Variants in CHRNA3 observed in about 807,000 individuals in gnomAD.
CHRNA3 encodes the protein cholinergic receptor nicotinic alpha 3 subunit.
Under a neutral mutation model 41.9 loss-of-function variants are expected in CHRNA3, and 34 were observed. The observed-to-expected ratio is 0.81, with a 90% CI of 0.62 to 1.08. The LOEUF (loss-of-function observed/expected upper bound fraction) is 1.08. Ranked by LOEUF, CHRNA3 falls within the 50% of genes least tolerant of loss-of-function variation. The pLI is 0.00. For missense variants in CHRNA3, 542 were observed against 638.3 expected (o/e 0.85, Z 1.63); for synonymous variants, 281 against 265.2 (o/e 1.06, Z -0.58).
At chr15:78,615,718 A>G (rs1274693673) in intron 4 of CHRNA3, among the ~76,000 whole-genome samples, 2 of 149,370 alleles carry the variant, frequency 1.3e-5, no homozygotes, top group African/African-American at 2.5e-5. Flanking sequence ...AGAATAAAAT[A>G]TTTTGAATTC....
intron 4 of CHRNA3, among the ~76,000 whole-genome samples, chr15:78,615,152 C>A (rs1402552241): frequency 6.6e-6 from 1 of 152,162 alleles, no homozygotes; most frequent in Non-Finnish European, 1.5e-5. Context: ...GGGCTGGGAG[C>A]ACGGGGCCCA....
intron 5 of CHRNA3, chr15:78,600,114 C>T (rs182193282): frequency 1.3e-5 from 2 of 152,054 alleles, no homozygotes. Context: ...AAGGACTTCA[C>T]TCTGTTACCC....
At chr15:78,611,528 C>T (rs932770785) in intron 4 of CHRNA3, among the ~76,000 whole-genome samples, 36 of 152,016 alleles carry the variant, frequency 2.4e-4, no homozygotes, top group African/African-American at 5.8e-4. Flanking sequence ...CAACCCTTCA[C>T]GCTAAAAACT....
At chr15:78,599,008 A>G (rs2053155315) in intron 5 of CHRNA3, among the ~76,000 whole-genome samples, 1 of 144,462 alleles carries the variant, frequency 6.9e-6, no homozygotes, top group African/African-American at 2.6e-5. Context: ...CGGTTAATTT[A>G]TTGTATTTTT....
rs773423894 is a variant in CHRNA3, at chr15:78,601,710, G to A, written c.932C>T (p.Thr311Ile). ...IPLIGEYLLF[T>I]MIFVTLSIVI... ...GATGGACAAGGTTACAAAAATCATG[G>A]TGAACAGGAGGTACTCTCCAATCAG... The change falls in exon 5 of 6, where the codon ACC becomes ATC. Residue 311 changes from threonine to isoleucine, a missense_variant. Transcript: ENST00000326828. The A allele has an allele frequency of 3.7e-6, 6 of 1,614,176 alleles. No homozygotes were observed. The highest frequency in any genetic ancestry group is 5.1e-6 in the Non-Finnish European group (6 of 1,180,014).
At chr15:78,603,321 G>A (rs891132940) in intron 4 of CHRNA3, among the ~76,000 whole-genome samples, 2 of 152,160 alleles carry the variant, frequency 1.3e-5, no homozygotes, top group Admixed American at 6.5e-5. Context: ...CCTTAGACAT[G>A]TACGTTTTTC....
chr15:78,618,196 G>A (rs1412944264), intron 3 of CHRNA3, among the ~76,000 whole-genome samples: 2 of 152,120 alleles, frequency 1.3e-5, no homozygotes, highest in Non-Finnish European at 2.9e-5. Context: ...GCAGTGAGCC[G>A]AGATCACGCC....
intron 1 of CHRNA3, 86 bp from the exon 2 acceptor site, chr15:78,619,001 G>T: frequency 2.1e-6 from 3 of 1,448,194 alleles, no homozygotes; most frequent in Non-Finnish European, 1.9e-6. Flanking sequence ...CCCATCTACA[G>T]CATCCCCTCC....
intron 5 of CHRNA3, among the ~76,000 whole-genome samples, chr15:78,597,864 T>G (rs2053137525): frequency 6.6e-6 from 1 of 152,228 alleles, no homozygotes; most frequent in Non-Finnish European, 1.5e-5. Flanking sequence ...GAAATGGCGC[T>G]GGGAGATGAA....
chr15:78,597,437 A>G (rs1217937269), intron 5 of CHRNA3, among the ~76,000 whole-genome samples: 1 of 126,816 alleles, frequency 7.9e-6, no homozygotes, highest in East Asian at 2.0e-4. Flanking sequence ...TCTCAAAAAC[A>G]ACAAAATAAA....
intron 4 of CHRNA3, among the ~76,000 whole-genome samples, chr15:78,608,273 G>A (rs988676847): frequency 1.1e-4 from 17 of 152,200 alleles, no homozygotes; most frequent in African/African-American, 4.1e-4. Context: ...TCCTCAAGTG[G>A]GTCCCTGACC....
chr15:78,613,269 A>T (rs2053408534), intron 4 of CHRNA3, among the ~76,000 whole-genome samples: 2 of 152,238 alleles, frequency 1.3e-5, no homozygotes, highest in Non-Finnish European at 2.9e-5. Flanking sequence ...ACACATGCAC[A>T]CGTATGTTTA....
Position 78,618,757 on chromosome 15 carries a change from C to G in CHRNA3, c.222+19G>C, listed in dbSNP as rs753819033. ...AGCCCCGGTCCCCATGGCCACGGCT[C>G]GTGGCTTCCAGCACTCACCACCTTC... On this transcript the variant is annotated intron_variant, in intron 2 of 5. Coordinates refer to ENST00000326828, the MANE Select transcript of CHRNA3 (RefSeq NM_000743.5). The G allele has an allele frequency of 6.2e-7, 1 of 1,614,070 alleles. No homozygotes were observed. The highest frequency in any genetic ancestry group is 1.7e-5 in the Admixed American group (1 of 60,026).
At chr15:78,613,272 T>TA (rs1474436843) in intron 4 of CHRNA3, among the ~76,000 whole-genome samples, 2 of 152,122 alleles carry the variant, frequency 1.3e-5, no homozygotes, top group Non-Finnish European at 2.9e-5. Context: ...CATGCACACG[T>TA]ATGTTTATTG....
At chr15:78,620,679 C>A in intron 1 of CHRNA3, 34 bp downstream of exon 1, 1 of 1,498,970 alleles carries the variant, frequency 6.7e-7, no homozygotes, top group Non-Finnish European at 8.8e-7. Context: ...CTCGGGCGCC[C>A]GTCCCTCCGG....
At chr15:78,607,101 C>T (rs1366359445) in intron 4 of CHRNA3, among the ~76,000 whole-genome samples, 1 of 151,454 alleles carries the variant, frequency 6.6e-6, no homozygotes, top group Admixed American at 6.6e-5. Flanking sequence ...TGGTGGCACA[C>T]ACCTGTAATC....
At chr15:78,616,761 T>A (rs2053468529) in intron 4 of CHRNA3, among the ~76,000 whole-genome samples, 1 of 152,176 alleles carries the variant, frequency 6.6e-6, no homozygotes, top group Non-Finnish European at 1.5e-5. Flanking sequence ...AAATGCCAAT[T>A]CTTCCTTGAA....
intron 4 of CHRNA3, among the ~76,000 whole-genome samples, chr15:78,604,015 C>T (rs2053245425): frequency 6.6e-6 from 1 of 152,112 alleles, no homozygotes; most frequent in Non-Finnish European, 1.5e-5. Flanking sequence ...CTCAGGAAGG[C>T]AGAGGCCTCC....
chr15:78,617,199 G>A, intron 3 of CHRNA3, 66 bp from the exon 4 acceptor site: 3 of 1,006,088 alleles, frequency 3.0e-6, no homozygotes, highest in East Asian at 2.5e-5. Flanking sequence ...TACTTCCCGT[G>A]GCACCACCCA....
Sources: gnomAD v4.1 joint callset for allele counts (sites outside exome capture counted in the v4.1 genomes callset) on GRCh38, gnomAD v4.1.1 for gene constraint, MANE v1.5 for transcripts, NCBI Gene and HGNC (gene_info 2026-07-23, HGNC 2026-07-21) for gene names.